Variants in FOXN3 observed in about 807,000 individuals in gnomAD.
The protein encoded by FOXN3 is forkhead box N3, also known as forkhead box protein N3.
Under a neutral mutation model 38.4 loss-of-function variants are expected in FOXN3, and 7 were observed. That is an observed-to-expected ratio of 0.18 (90% CI 0.10 to 0.34). The LOEUF is 0.34. Among genes scored for constraint, FOXN3 ranks in the 10% least tolerant of loss-of-function variants. The pLI, the probability that FOXN3 is intolerant of heterozygous loss-of-function variation, is 1.00. For synonymous variants in FOXN3, 230 were observed against 242.2 expected (o/e 0.95, Z 0.47); for missense variants, 456 against 613.4 (o/e 0.74, Z 2.71).
chr14:89,323,300 A>AG (rs1328093596), intron 3 of FOXN3, among the ~76,000 whole-genome samples: 24 of 148,154 alleles, frequency 1.6e-4, no homozygotes, highest in African/African-American at 5.5e-4. Context: ...AAAAAAAAAA[A>AG]AAAAGAAAGA....
intron 1 of FOXN3, among the ~76,000 whole-genome samples, chr14:89,533,358 T>C (rs893027504): frequency 1.3e-5 from 2 of 152,224 alleles, no homozygotes; most frequent in Admixed American, 1.3e-4. Context: ...CACCTGGAGG[T>C]GCACTGTCAG....
At chr14:89,414,083 G>A (rs1238181149) in intron 1 of FOXN3, among the ~76,000 whole-genome samples, 1 of 152,044 alleles carries the variant, frequency 6.6e-6, no homozygotes, top group Non-Finnish European at 1.5e-5. Flanking sequence ...GGGAGTCTGA[G>A]GCAGGAGGAT....
chr14:89,549,477 A>T lies in FOXN3; in HGVS notation c.-15+69551T>A, dbSNP rs1016548968. Among the ~76,000 whole-genome samples the T allele has an allele frequency of 2.0e-5, 3 of 152,160 alleles. No homozygotes were observed. In the South Asian group the frequency reaches 6.2e-4, roughly 32 times the overall value. On this transcript the variant is annotated intron_variant, in intron 1 of 6. Transcript: ENST00000345097. ...AACATCCGGAAAGACGCATCCTCTG[A>T]GCAGAGCCCTCTCTGGCCCCAGGCA...
chr14:89,383,252 T>C (rs780146020), intron 2 of FOXN3, among the ~76,000 whole-genome samples: 14 of 152,024 alleles, frequency 9.2e-5, no homozygotes, highest in Non-Finnish European at 1.8e-4. Flanking sequence ...GGCAGAGAAA[T>C]GTCAGGTTCT....
At chr14:89,268,682 G>C (rs1886056662) in intron 4 of FOXN3, among the ~76,000 whole-genome samples, 1 of 152,192 alleles carries the variant, frequency 6.6e-6, no homozygotes, top group Admixed American at 6.5e-5. Flanking sequence ...AGCTCCCAGA[G>C]CCAGGATGTG....
intron 4 of FOXN3, among the ~76,000 whole-genome samples, chr14:89,248,760 C>T (rs1885369023): frequency 6.6e-6 from 1 of 152,150 alleles, no homozygotes; most frequent in African/African-American, 2.4e-5. Context: ...AATGAAAAGG[C>T]AAAAACTTCA....
At chr14:89,414,802 C>T (rs1436412074) in intron 1 of FOXN3, among the ~76,000 whole-genome samples, 3 of 152,126 alleles carry the variant, frequency 2.0e-5, no homozygotes, top group East Asian at 1.9e-4. Context: ...CCACCCGCCT[C>T]GGCCTCCCAA....
intron 1 of FOXN3, among the ~76,000 whole-genome samples, chr14:89,466,906 G>A (rs1227738260): frequency 6.6e-6 from 1 of 152,218 alleles, no homozygotes; most frequent in Non-Finnish European, 1.5e-5. Context: ...AGAAGAAAGG[G>A]AGAACATCTG....
chr14:89,216,904 C>A (rs890146856), intron 4 of FOXN3, among the ~76,000 whole-genome samples: 1 of 152,216 alleles, frequency 6.6e-6, no homozygotes, highest in Non-Finnish European at 1.5e-5. Flanking sequence ...TATTACCCTA[C>A]AACCAGGCCA....
intron 1 of FOXN3, among the ~76,000 whole-genome samples, chr14:89,552,360 T>C (rs1168222870): frequency 6.6e-6 from 1 of 152,210 alleles, no homozygotes; most frequent in Non-Finnish European, 1.5e-5. Flanking sequence ...ACGTGTATTA[T>C]CTCTGACTTA....
chr14:89,349,397 T>TC (rs575992762), intron 3 of FOXN3: 8 of 152,010 alleles, frequency 5.3e-5, no homozygotes, highest in Non-Finnish European at 8.8e-5. Flanking sequence ...GCTACAACCT[T>TC]CCCCCCCACA....
chr14:89,516,888 C>A (rs1368650357), intron 1 of FOXN3, among the ~76,000 whole-genome samples: 1 of 152,102 alleles, frequency 6.6e-6, no homozygotes, highest in African/African-American at 2.4e-5. Flanking sequence ...AGCGGACATT[C>A]CATGGAAAAG....
intron 4 of FOXN3, among the ~76,000 whole-genome samples, chr14:89,235,002 T>C (rs762504028): frequency 1.3e-5 from 2 of 152,190 alleles, no homozygotes; most frequent in Non-Finnish European, 2.9e-5. Flanking sequence ...CTTTCCTGGC[T>C]TTTGTCTGCT....
chr14:89,180,839 G>A (rs374510702), intron 4 of FOXN3, 33 bp from the exon 5 acceptor site: 23 of 1,539,210 alleles, frequency 1.5e-5, no homozygotes, highest in East Asian at 6.9e-5. Context: ...GACACCGCAC[G>A]TGAATTCAAC....
intron 3 of FOXN3, among the ~76,000 whole-genome samples, chr14:89,322,394 AG>A (rs1336964067): frequency 6.6e-6 from 1 of 152,198 alleles, no homozygotes; most frequent in African/African-American, 2.4e-5. Flanking sequence ...GGGGGCATGA[AG>A]GGGAACAAGA....
At chr14:89,339,971 G>A (rs968350821) in intron 3 of FOXN3, among the ~76,000 whole-genome samples, 8 of 152,108 alleles carry the variant, frequency 5.3e-5, no homozygotes, top group African/African-American at 1.7e-4. Context: ...GGGGTGGGGG[G>A]CAATTTCCAG....
At chr14:89,225,098 C>T (rs942545586) in intron 4 of FOXN3, among the ~76,000 whole-genome samples, 8 of 145,484 alleles carry the variant, frequency 5.5e-5, no homozygotes, top group African/African-American at 2.1e-4. Context: ...CACTGCACTC[C>T]AGCCTGGCGA....
At chr14:89,355,363 G>C (rs1566964654) in intron 2 of FOXN3, 2 of 151,476 alleles carry the variant, frequency 1.3e-5, no homozygotes, top group African/African-American at 2.4e-5. Flanking sequence ...GAGAGGCTGG[G>C]ATTACAGGTG....
At chr14:89,235,837 C>A (rs186122480) in intron 4 of FOXN3, among the ~76,000 whole-genome samples, 2 of 134,172 alleles carry the variant, frequency 1.5e-5, no homozygotes, top group Non-Finnish European at 2.9e-5. Context: ...GGAAAGAAAG[C>A]GGCTTCTCTC....
Sources: gnomAD v4.1 joint callset for allele counts (sites outside exome capture counted in the v4.1 genomes callset) on GRCh38, gnomAD v4.1.1 for gene constraint, MANE v1.5 for transcripts, NCBI Gene and HGNC (gene_info 2026-07-23, HGNC 2026-07-21) for gene names.